The following CSMD1 variants were observed in gnomAD, a reference collection of about 807,000 sequenced individuals.
The protein encoded by CSMD1 is CUB and Sushi multiple domains 1.
A neutral mutation model predicts 417.5 loss-of-function variants in CSMD1; 213 were observed. The ratio of observed to expected loss-of-function variants is 0.51; its 90% CI spans 0.46 to 0.57. The LOEUF (loss-of-function observed/expected upper bound fraction) is 0.57, where lower values mean the gene tolerates loss of function less well. Among genes scored for constraint, CSMD1 ranks in the 20% least tolerant of loss-of-function variants. The pLI, the probability that CSMD1 is intolerant of heterozygous loss-of-function variation, is 0.00. For synonymous variants in CSMD1, 2,862 were observed against 1,736.8 expected (o/e 1.65, Z -16.11); for missense variants, 6,923 against 4,529.7 (o/e 1.53, Z -15.17).
At chr8:3,926,100 C>CACAAACACCAT (rs1563218237) in intron 5 of CSMD1, among the ~76,000 whole-genome samples, 24 of 75,324 alleles carry the variant, frequency 3.2e-4, no homozygotes, top group African/African-American at 1.3e-3. Context: ...CACACACACA[C>CACAAACACCAT]ACACACACAC....
At chr8:4,465,225 G>A (rs1302069635) in intron 2 of CSMD1, among the ~76,000 whole-genome samples, 1 of 152,126 alleles carries the variant, frequency 6.6e-6, no homozygotes, top group Non-Finnish European at 1.5e-5. Flanking sequence ...ATACACATTT[G>A]CTCTGAAGTT....
chr8:4,144,919 G>A (rs1804019044), intron 3 of CSMD1, among the ~76,000 whole-genome samples: 1 of 150,976 alleles, frequency 6.6e-6, no homozygotes, highest in Non-Finnish European at 1.5e-5. Context: ...ATCAGTGAGT[G>A]GAGTGAAGCA....
At chr8:4,757,314 G>C (rs918737450) in intron 1 of CSMD1, among the ~76,000 whole-genome samples, 1 of 152,128 alleles carries the variant, frequency 6.6e-6, no homozygotes, top group Non-Finnish European at 1.5e-5. Flanking sequence ...TCATAACCTG[G>C]CTATCATGTC....
rs542864790 is a variant in CSMD1, at chr8:3,399,467, A to G, written c.2329T>C (p.Tyr777His). ...TCACAATGTAAAGAATCCTTATAAT[A>G]TCCTGGCCATCCAGGAGGCAAAATG... ...GVILPPGWPGYYKDSLHCEWI... is the reference protein window; with the variant it reads ...GVILPPGWPGHYKDSLHCEWI... Residue 777 changes from tyrosine to histidine, a missense_variant, in exon 16 of 70, where the codon TAT becomes CAT. Tyr to His is a moderately conservative substitution (Grantham distance 83). Coordinates refer to ENST00000635120, the MANE Select transcript of CSMD1 (RefSeq NM_033225.6). 2 of 1,610,164 alleles carry G rather than the reference A, an allele frequency of 1.2e-6. No individual in the cohort carries two copies. The highest frequency in any genetic ancestry group is 1.1e-5 in the South Asian group (1 of 89,916).
chr8:3,096,726 T>C (rs73183518), intron 47 of CSMD1, 123 bp downstream of exon 47: 12,342 of 702,614 alleles, frequency 0.018, 155 homozygotes, highest in Middle Eastern at 0.055. Flanking sequence ...ATTTTTTGTT[T>C]GCTTTGGGAA....
At chr8:4,610,298 C>A (rs1161929500) in intron 2 of CSMD1, among the ~76,000 whole-genome samples, 1 of 152,186 alleles carries the variant, frequency 6.6e-6, no homozygotes, top group East Asian at 1.9e-4. Context: ...TGAAATTGAG[C>A]AATATCCCTC....
At chr8:3,436,532 T>G (rs957587076) in intron 12 of CSMD1, among the ~76,000 whole-genome samples, 2 of 152,212 alleles carry the variant, frequency 1.3e-5, no homozygotes, top group African/African-American at 4.8e-5. Context: ...GTTTAGTGGC[T>G]TTAACTATAT....
chr8:4,984,657 T>C (rs1272765801), intron 1 of CSMD1, among the ~76,000 whole-genome samples: 1 of 152,164 alleles, frequency 6.6e-6, no homozygotes, highest in African/African-American at 2.4e-5. Context: ...TAAAGGGGAA[T>C]GAACTTGCCA....
At chr8:4,061,327 C>G (rs1798962716) in intron 3 of CSMD1, among the ~76,000 whole-genome samples, 1 of 152,030 alleles carries the variant, frequency 6.6e-6, no homozygotes, top group Non-Finnish European at 1.5e-5. Flanking sequence ...CAAGGAACCA[C>G]TAAAAATTCA....
chr8:4,938,792 T>A (rs1807791307), intron 1 of CSMD1, among the ~76,000 whole-genome samples: 1 of 152,134 alleles, frequency 6.6e-6, no homozygotes, highest in Admixed American at 6.5e-5. Context: ...GGGGAATGCT[T>A]TTTTATATTT....
chr8:3,667,741 A>T (rs768373730), intron 7 of CSMD1, among the ~76,000 whole-genome samples: 9 of 152,200 alleles, frequency 5.9e-5, no homozygotes, highest in Non-Finnish European at 1.2e-4. Flanking sequence ...GAAAGTAAAC[A>T]AGAGTTCTGA....
At chr8:3,105,758 G>A (rs530352937) in intron 46 of CSMD1, among the ~76,000 whole-genome samples, 15 of 152,264 alleles carry the variant, frequency 9.9e-5, no homozygotes, top group African/African-American at 2.6e-4. Context: ...ATAGCAAAAC[G>A]AAATGATATT....
chr8:3,383,562 C>T (rs764439430), intron 18 of CSMD1, among the ~76,000 whole-genome samples: 2 of 152,278 alleles, frequency 1.3e-5, no homozygotes, highest in Admixed American at 6.5e-5. Flanking sequence ...CGAATGAAAA[C>T]AGTGAAATAT....
intron 30 of CSMD1, among the ~76,000 whole-genome samples, chr8:3,208,824 T>C (rs987695516): frequency 6.6e-5 from 10 of 152,160 alleles, no homozygotes; most frequent in Admixed American, 6.6e-5. Context: ...CTGTGCTGGA[T>C]GCTTCTTGCC....
intron 1 of CSMD1, among the ~76,000 whole-genome samples, chr8:4,877,413 G>A (rs148229758): frequency 6.6e-6 from 1 of 151,968 alleles, no homozygotes. Flanking sequence ...CCATTGTAAA[G>A]AAATATCAAT....
intron 3 of CSMD1, among the ~76,000 whole-genome samples, chr8:4,323,325 C>A (rs774033105): frequency 1.3e-5 from 2 of 152,160 alleles, no homozygotes; most frequent in South Asian, 2.1e-4. Flanking sequence ...AGTACTTCAA[C>A]CCCTAAAATT....
intron 5 of CSMD1, among the ~76,000 whole-genome samples, chr8:3,967,121 A>G (rs1477363474): frequency 1.3e-5 from 2 of 151,856 alleles, no homozygotes; most frequent in African/African-American, 4.8e-5. Flanking sequence ...AGAGAAACGG[A>G]CTAATTTTGT....
intron 3 of CSMD1, among the ~76,000 whole-genome samples, chr8:4,067,080 C>T (rs185610524): frequency 6.6e-6 from 1 of 152,200 alleles, no homozygotes; most frequent in Non-Finnish European, 1.5e-5. Context: ...AATTCAGACA[C>T]AGAGAAGGGT....
Position 4,787,376 on chromosome 8 carries a change from G to C in CSMD1, c.86-149818C>G, listed in dbSNP as rs148815611. On this transcript the variant is annotated intron_variant, in intron 1 of 69. Coordinates refer to ENST00000635120, the MANE Select transcript of CSMD1 (RefSeq NM_033225.6). ...TGAACACTGGTAAAAAATTGTATGA[G>C]GGTAAAACAAAAGAAGTCTACGAAA... The C allele has an allele frequency of 9.8e-3, 7,187 of 732,428 alleles. 58 individuals are homozygous for C. The highest frequency in any genetic ancestry group is 0.022 in the East Asian group (861 of 39,024). 45.4% of individuals were successfully genotyped at this position (732,428 alleles called of 1,614,324 possible).
Sources: gnomAD v4.1 joint callset for allele counts (sites outside exome capture counted in the v4.1 genomes callset) on GRCh38, gnomAD v4.1.1 for gene constraint, MANE v1.5 for transcripts, NCBI Gene and HGNC (gene_info 2026-07-23, HGNC 2026-07-21) for gene names.